AGMO: variants seen among roughly 807,000 people sequenced by gnomAD.
AGMO encodes the protein glyceryl-ether monooxygenase.
In AGMO, 75 loss-of-function variants were observed where a neutral mutation model predicts 60.2. That is an observed-to-expected ratio of 1.25 (90% CI 1.03 to 1.51). The LOEUF is 1.51. Ranked by LOEUF, AGMO falls within the 40% of genes most tolerant of loss-of-function variation. The pLI, the probability that AGMO is intolerant of heterozygous loss-of-function variation, is 0.00. For synonymous variants in AGMO, 261 were observed against 177.1 expected (o/e 1.47, Z -3.76); for missense variants, 763 against 525.5 (o/e 1.45, Z -4.42).
chr7:15,250,356 T>A (rs559687031), intron 12 of AGMO, among the ~76,000 whole-genome samples: 1 of 152,148 alleles, frequency 6.6e-6, no homozygotes, highest in Non-Finnish European at 1.5e-5. Context: ...CATGAAAAAT[T>A]AAGGCACAAC....
intron 3 of AGMO, among the ~76,000 whole-genome samples, chr7:15,470,844 T>A (rs888274477): frequency 6.6e-6 from 1 of 152,038 alleles, no homozygotes; most frequent in Non-Finnish European, 1.5e-5. Flanking sequence ...ACTCTTATTA[T>A]GGGAGAGCAA....
intron 3 of AGMO, among the ~76,000 whole-genome samples, chr7:15,522,930 T>G (rs892634777): frequency 6.6e-6 from 1 of 152,174 alleles, no homozygotes; most frequent in Non-Finnish European, 1.5e-5. Context: ...TGGGAGAATA[T>G]TTTTGCAATC....
intron 12 of AGMO, among the ~76,000 whole-genome samples, chr7:15,210,671 G>T (rs966694415): frequency 1.3e-5 from 2 of 151,948 alleles, no homozygotes; most frequent in African/African-American, 4.8e-5. Flanking sequence ...GAACAGAATT[G>T]CATTTAATTT....
intron 3 of AGMO, among the ~76,000 whole-genome samples, chr7:15,474,247 A>G (rs1192486258): frequency 6.6e-6 from 1 of 152,166 alleles, no homozygotes; most frequent in East Asian, 1.9e-4. Context: ...AGCCAAGACA[A>G]TCCTAAGCAA....
intron 12 of AGMO, among the ~76,000 whole-genome samples, chr7:15,216,540 T>C (rs918282410): frequency 4.6e-5 from 7 of 152,174 alleles, no homozygotes; most frequent in South Asian, 2.1e-4. Context: ...TGGAATTCTA[T>C]AGGCATCATT....
chr7:15,160,742 G>T, the AGMO span, among the ~76,000 whole-genome samples: 1 of 152,152 alleles, frequency 6.6e-6, no homozygotes, highest in African/African-American at 2.4e-5. Context: ...AAATAGGTTA[G>T]GCCATGGAAC....
At chr7:15,128,296 G>C in the AGMO span, among the ~76,000 whole-genome samples, 5 of 152,034 alleles carry the variant, frequency 3.3e-5, no homozygotes, top group Non-Finnish European at 7.4e-5. Context: ...AGAGAAGAAA[G>C]AAAGAAAAGG....
At chr7:15,427,824 C>A (rs1372194841) in intron 4 of AGMO, among the ~76,000 whole-genome samples, 1 of 152,080 alleles carries the variant, frequency 6.6e-6, no homozygotes, top group African/African-American at 2.4e-5. Flanking sequence ...CTTAAAATGG[C>A]ACTCTATCAA....
chr7:15,516,872 G>C (rs1783821140), intron 3 of AGMO, among the ~76,000 whole-genome samples: 1 of 152,036 alleles, frequency 6.6e-6, no homozygotes, highest in Non-Finnish European at 1.5e-5. Flanking sequence ...CAGGATGGGA[G>C]GATGAGGGGC....
At chr7:15,467,767 TAA>T (rs1196749567) in intron 3 of AGMO, among the ~76,000 whole-genome samples, 2 of 152,180 alleles carry the variant, frequency 1.3e-5, no homozygotes, top group African/African-American at 4.8e-5. Context: ...TTGAAATCAC[TAA>T]GTCTTATTCA....
chr7:15,157,277 A>G, the AGMO span, among the ~76,000 whole-genome samples: 1 of 152,166 alleles, frequency 6.6e-6, no homozygotes, highest in Non-Finnish European at 1.5e-5. Flanking sequence ...AGGGTAAGAT[A>G]CCTTCCCAGA....
At chr7:15,311,455 G>C (rs1370221548) in intron 12 of AGMO, among the ~76,000 whole-genome samples, 1 of 151,916 alleles carries the variant, frequency 6.6e-6, no homozygotes, top group Non-Finnish European at 1.5e-5. Context: ...TTAGTACAGA[G>C]AAAGTTGCTT....
intron 3 of AGMO, among the ~76,000 whole-genome samples, chr7:15,518,205 G>T (rs2128534052): frequency 6.6e-6 from 1 of 152,256 alleles, no homozygotes; most frequent in Middle Eastern, 3.4e-3. Context: ...ATTTCCCTGG[G>T]ACAGAGCACC....
intron 12 of AGMO, among the ~76,000 whole-genome samples, chr7:15,246,656 A>C (rs1782751565): frequency 6.6e-6 from 1 of 152,156 alleles, no homozygotes; most frequent in Non-Finnish European, 1.5e-5. Context: ...CTGAAGACCC[A>C]ATATCATATT....
rs1259840375 is a variant in AGMO, at chr7:15,544,839, T to C, written c.342A>G (p.Pro114=). ...YRLFNLPWDS[P]WTWYSAFLGV... is the part of the protein sequence containing the mutation. ...CTAAGAAGGCTGAATACCAAGTCCATGGAGAATCCCAAGGCAAATTGAACA... is the reference window on the plus strand; with the variant it reads ...CTAAGAAGGCTGAATACCAAGTCCACGGAGAATCCCAAGGCAAATTGAACA... The change falls in exon 3 of 13, where the codon CCA becomes CCG. Residue 114 remains proline (P), a synonymous_variant. Coordinates refer to ENST00000342526, the MANE Select transcript of AGMO (RefSeq NM_001004320.2). 1.9e-6 allele frequency: 3 copies of C among 1,610,824 alleles called. No individual in the cohort carries two copies. The highest frequency in any genetic ancestry group is 3.3e-4 in the Middle Eastern group (2 of 6,046).
At chr7:15,368,130 A>G (rs1783055842) in intron 10 of AGMO, among the ~76,000 whole-genome samples, 1 of 152,052 alleles carries the variant, frequency 6.6e-6, no homozygotes, top group Non-Finnish European at 1.5e-5. Flanking sequence ...CAAAAGGATT[A>G]GAATGTTTAG....
intron 10 of AGMO, among the ~76,000 whole-genome samples, chr7:15,375,287 T>C (rs1783404514): frequency 6.6e-6 from 1 of 151,890 alleles, no homozygotes; most frequent in East Asian, 1.9e-4. Context: ...AACAAGTGGA[T>C]CTACAAACTA....
rs867713143 is a variant in AGMO at position 15,306,504 on chromosome 7, C to G, written c.1263+59010G>C. ...TCCAGCTGTGAGACAGTCACTCAAA[C>G]TTAAAAGTTCTCCAAAGTTCTCCTT... is the stretch of plus-strand genomic sequence containing the variant. On this transcript the variant is annotated intron_variant, in intron 12 of 12. Transcript: ENST00000342526. The G allele has an allele frequency of 6.4e-6, 3 of 469,306 alleles. No individual in the cohort carries two copies. The East Asian group carries it at 2.1e-4, about 33-fold the overall frequency. The allele number at this position is 469,306 out of a possible 1,614,324, so 29.1% of individuals were successfully genotyped here.
intron 12 of AGMO, among the ~76,000 whole-genome samples, chr7:15,356,628 A>C (rs1782539284): frequency 6.6e-6 from 1 of 152,112 alleles, no homozygotes; most frequent in African/African-American, 2.4e-5. Flanking sequence ...CAGACAGCAG[A>C]TAATACAGTG....
Sources: allele counts gnomAD v4.1 joint callset (sites outside exome capture counted in the v4.1 genomes callset), GRCh38; gene constraint gnomAD v4.1.1; transcripts MANE v1.5; gene names NCBI Gene and HGNC (gene_info 2026-07-23, HGNC 2026-07-21).